The following XYLT1 variants were observed in gnomAD, a reference collection of about 807,000 sequenced individuals.
The protein encoded by XYLT1 is xylosyltransferase 1.
Under a neutral mutation model 91.3 loss-of-function variants are expected in XYLT1, and 36 were observed. That is an observed-to-expected ratio of 0.39 (90% CI 0.30 to 0.52). The LOEUF (loss-of-function observed/expected upper bound fraction) is 0.52. Among genes scored for constraint, XYLT1 ranks in the 20% least tolerant of loss-of-function variants. XYLT1 has a pLI of 0.68. For synonymous variants in XYLT1, 588 were observed against 532.0 expected, an observed-to-expected ratio of 1.11 and a Z score of -1.45; for missense variants, 1,242 against 1,284.5, an observed-to-expected ratio of 0.97 and a Z score of 0.51.
chr16:17,228,969 C>A (rs1469070894), intron 3 of XYLT1, among the ~76,000 whole-genome samples: 1 of 151,976 alleles, frequency 6.6e-6, no homozygotes, highest in East Asian at 1.9e-4. Flanking sequence ...TGTTTGATTT[C>A]CTTTTATTTT....
chr16:17,367,024 C>T (rs113766553), intron 1 of XYLT1, among the ~76,000 whole-genome samples: 2,867 of 151,978 alleles, frequency 0.019, 80 homozygotes, highest in African/African-American at 0.065. Flanking sequence ...TTCCTTGCTG[C>T]GAGTCTTCAG....
At chr16:17,432,878 G>A (rs1455808210) in intron 1 of XYLT1, among the ~76,000 whole-genome samples, 2 of 151,746 alleles carry the variant, frequency 1.3e-5, no homozygotes, top group Non-Finnish European at 2.9e-5. Flanking sequence ...CTTGTCAAAA[G>A]AGGAAAAAAA....
intron 3 of XYLT1, among the ~76,000 whole-genome samples, chr16:17,224,086 G>A (rs1298350865): frequency 6.6e-6 from 1 of 152,204 alleles, no homozygotes; most frequent in African/African-American, 2.4e-5. Flanking sequence ...GAACCTTTGA[G>A]CTTCAATTTC....
intron 2 of XYLT1, among the ~76,000 whole-genome samples, chr16:17,285,787 T>C (rs913261247): frequency 3.3e-5 from 5 of 152,136 alleles, no homozygotes; most frequent in African/African-American, 1.2e-4. Context: ...TAACATGGTA[T>C]AGCCCCCTAA....
chr16:17,388,910 G>A (rs1282789548), intron 1 of XYLT1, among the ~76,000 whole-genome samples: 4 of 152,160 alleles, frequency 2.6e-5, no homozygotes, highest in Non-Finnish European at 4.4e-5. Flanking sequence ...TCCAAAGTCT[G>A]GTGATCAAGC....
intron 3 of XYLT1, among the ~76,000 whole-genome samples, chr16:17,234,490 A>G (rs1391204028): frequency 6.6e-6 from 1 of 152,120 alleles, no homozygotes; most frequent in East Asian, 1.9e-4. Context: ...TAAATAAATA[A>G]TGGGTAAATA....
At chr16:17,338,155 C>T (rs1337910219) in intron 2 of XYLT1, 1 of 456,324 alleles carries the variant, frequency 2.2e-6, no homozygotes, top group East Asian at 7.0e-5. Flanking sequence ...TATCATAACT[C>T]CCCTGAACTG....
chr16:17,215,165 G>A (rs552494836), intron 3 of XYLT1, among the ~76,000 whole-genome samples: 1 of 152,240 alleles, frequency 6.6e-6, no homozygotes, highest in South Asian at 2.1e-4. Flanking sequence ...AGACCAGCCT[G>A]GCCAATATGG....
rs28428882 is a variant in XYLT1 at position 17,337,780 on chromosome 16, T to C, written c.402+20232A>G. ...TTGTCTGTTCCACATTTTTTCTTTT[T>C]CTTTTTTTTTTTTTTTGTGAGACAG... On this transcript the variant is annotated intron_variant, in intron 2 of 11. Coordinates refer to ENST00000261381, the MANE Select transcript of XYLT1 (RefSeq NM_022166.4). 5.9e-4 allele frequency among the ~76,000 whole-genome samples: 81 copies of C among 136,456 alleles called. 1 individual carries two copies. Among genetic ancestry groups the C allele is most frequent in the African/African-American group, 2.3e-3 (75 of 32,386 alleles). The allele number at this position is 136,456 out of a possible 152,430, so 89.5% of individuals were successfully genotyped here.
chr16:17,138,298 A>G lies in XYLT1; in HGVS notation c.1764+57T>C, dbSNP rs564480162. The G allele has an allele frequency of 3.1e-3, 4,967 of 1,582,800 alleles. 17 individuals carry two copies. Among genetic ancestry groups the G allele is most frequent in the Non-Finnish European group, 4.0e-3 (4,675 of 1,158,066 alleles). ...TGCAGGTCTGGCCTTGGATTTCTGC[A>G]GAGGTTTGTTGGGAAGGCATCACTT... On this transcript the variant is annotated intron_variant, in intron 8 of 11. Transcript: ENST00000261381.
chr16:17,155,411 GT>G, intron 6 of XYLT1, among the ~76,000 whole-genome samples: 1 of 152,268 alleles, frequency 6.6e-6, no homozygotes, highest in East Asian at 1.9e-4. Context: ...CAGCCCTAAT[GT>G]TTTAGTTACC....
intron 3 of XYLT1, among the ~76,000 whole-genome samples, chr16:17,236,929 T>C (rs1317213427): frequency 6.6e-6 from 1 of 152,204 alleles, no homozygotes; most frequent in Non-Finnish European, 1.5e-5. Context: ...TCACAAGTCC[T>C]GGGGCTTAGG....
At chr16:17,427,673 C>A (rs2036336781) in intron 1 of XYLT1, among the ~76,000 whole-genome samples, 1 of 152,226 alleles carries the variant, frequency 6.6e-6, no homozygotes, top group Admixed American at 6.5e-5. Context: ...ACAGCTGAAT[C>A]AGCATCCACA....
At chr16:17,240,794 A>C (rs2033333748) in intron 3 of XYLT1, among the ~76,000 whole-genome samples, 1 of 152,172 alleles carries the variant, frequency 6.6e-6, no homozygotes, top group Non-Finnish European at 1.5e-5. Flanking sequence ...ACATCATTCC[A>C]TTTAGGAGAA....
Position 17,208,886 on chromosome 16 carries a change from G to T in XYLT1, c.914-8232C>A, listed in dbSNP as rs139194000. Among the ~76,000 whole-genome samples, 641 of 152,084 alleles carry T rather than the reference G, an allele frequency of 4.2e-3. 4 individuals are homozygous for T. Among genetic ancestry groups the T allele is most frequent in the African/African-American group, 0.014 (589 of 41,484 alleles). The stretch of plus-strand genomic sequence containing the variant: ...ACTACAGGTGCCCACCACCACGCCC[G>T]GCTAATTTTTTTGTATTTTTAGTAG... On this transcript the variant is annotated intron_variant, in intron 3 of 11. Transcript: ENST00000261381.
intron 1 of XYLT1, among the ~76,000 whole-genome samples, chr16:17,389,268 T>C (rs898428601): frequency 6.6e-6 from 1 of 152,208 alleles, no homozygotes; most frequent in Admixed American, 6.6e-5. Flanking sequence ...TTCTTAGAGA[T>C]AGGGTTTCAC....
At chr16:17,160,508 G>A (rs1203861762) in intron 5 of XYLT1, among the ~76,000 whole-genome samples, 1 of 152,196 alleles carries the variant, frequency 6.6e-6, no homozygotes, top group Non-Finnish European at 1.5e-5. Flanking sequence ...GAAAATGAGC[G>A]CTGCTCGTGT....
intron 2 of XYLT1, among the ~76,000 whole-genome samples, chr16:17,317,592 T>C (rs2034654394): frequency 8.4e-6 from 1 of 119,418 alleles, no homozygotes; most frequent in South Asian, 2.7e-4. Flanking sequence ...ATTGCACCAC[T>C]GCACTCCAGC....
intron 2 of XYLT1, among the ~76,000 whole-genome samples, chr16:17,295,880 G>C (rs988293289): frequency 6.6e-6 from 1 of 152,134 alleles, no homozygotes; most frequent in Non-Finnish European, 1.5e-5. Context: ...CCACTGTAAG[G>C]CCTCTGGCTT....
Sources: gnomAD v4.1 joint callset for allele counts (sites outside exome capture counted in the v4.1 genomes callset) on GRCh38, gnomAD v4.1.1 for gene constraint, MANE v1.5 for transcripts, NCBI Gene and HGNC (gene_info 2026-07-23, HGNC 2026-07-21) for gene names.